Variants in PTPRM observed in about 807,000 individuals in gnomAD.
PTPRM encodes receptor-type tyrosine-protein phosphatase mu.
PTPRM carries 47 observed loss-of-function variants against 186.7 expected under a neutral mutation model. The ratio of observed to expected loss-of-function variants is 0.25; its 90% CI spans 0.20 to 0.32. The LOEUF (loss-of-function observed/expected upper bound fraction) is 0.32. Among genes scored for constraint, PTPRM ranks in the 10% least tolerant of loss-of-function variants. The pLI, the probability that PTPRM is intolerant of heterozygous loss-of-function variation, is 1.00. For missense variants in PTPRM, 1,494 were observed against 1,865.0 expected (o/e 0.80, Z 3.66); for synonymous variants, 668 against 674.9 (o/e 0.99, Z 0.16).
At chr18:7,714,646 A>G (rs1249073249) in intron 1 of PTPRM, among the ~76,000 whole-genome samples, 1 of 152,192 alleles carries the variant, frequency 6.6e-6, no homozygotes, top group Admixed American at 6.5e-5. Flanking sequence ...CAGAAAAGAG[A>G]GAAGAATCAA....
chr18:8,075,103 T>G (rs2089724511), intron 8 of PTPRM, among the ~76,000 whole-genome samples: 1 of 152,168 alleles, frequency 6.6e-6, no homozygotes, highest in Non-Finnish European at 1.5e-5. Flanking sequence ...ACTTCATTCT[T>G]GTGCATGTGG....
chr18:8,088,721 G>A, intron 10 of PTPRM, 28 bp from the exon 11 acceptor site: 1 of 1,510,624 alleles, frequency 6.6e-7, no homozygotes, highest in Non-Finnish European at 9.2e-7. Context: ...GAAATAATGA[G>A]TCTCCCATTC....
chr18:8,011,155 A>G (rs759303285), intron 7 of PTPRM, among the ~76,000 whole-genome samples: 3 of 152,216 alleles, frequency 2.0e-5, no homozygotes, highest in Non-Finnish European at 4.4e-5. Flanking sequence ...TAGGGCCTGA[A>G]GAGCAGCAAA....
intron 14 of PTPRM, among the ~76,000 whole-genome samples, chr18:8,172,969 T>C (rs555537384): frequency 3.3e-5 from 5 of 152,320 alleles, no homozygotes; most frequent in African/African-American, 4.8e-5. Flanking sequence ...CAAACACATA[T>C]GTTTTTCTTG....
chr18:8,337,171 A>G (rs1477063342), intron 22 of PTPRM, among the ~76,000 whole-genome samples: 1 of 152,154 alleles, frequency 6.6e-6, no homozygotes, highest in East Asian at 1.9e-4. Context: ...GTCTTTATGT[A>G]TCTCCAAGGG....
intron 32 of PTPRM, among the ~76,000 whole-genome samples, chr18:8,396,338 G>T (rs2095845299): frequency 6.6e-6 from 1 of 152,206 alleles, no homozygotes; most frequent in African/African-American, 2.4e-5. Context: ...TCGAGACTCT[G>T]GTTGGTACTT....
chr18:7,596,971 A>G (rs1008977064), intron 1 of PTPRM, among the ~76,000 whole-genome samples: 4 of 151,736 alleles, frequency 2.6e-5, no homozygotes, highest in African/African-American at 9.7e-5. Context: ...CTCGTGCTTC[A>G]GCCTCCCCGG....
At position 7,940,274 on chromosome 18, in the gene PTPRM, A is replaced by G. The variant is rs1001894209; in HGVS notation, c.664-8907A>G. On this transcript the variant is annotated intron_variant, in intron 5 of 32. Coordinates refer to ENST00000580170, the MANE Select transcript of PTPRM (RefSeq NM_001105244.2). ...TTTATATGTTAAAGTTAGAGCAATA[A>G]AAACCAGGCAAGGATCCCTGCCTTC... Among the ~76,000 whole-genome samples, 7 of 152,182 alleles carry G rather than the reference A, an allele frequency of 4.6e-5. 1 individual carries two copies. The highest frequency in any genetic ancestry group is 2.6e-4 in the Admixed American group (4 of 15,278).
intron 6 of PTPRM, among the ~76,000 whole-genome samples, chr18:7,952,622 G>A (rs1042639588): frequency 1.3e-5 from 2 of 151,810 alleles, no homozygotes; most frequent in East Asian, 3.9e-4. Context: ...TGTGAACCTG[G>A]GAGACAGAGC....
chr18:8,253,054 G>A (rs1413050267), intron 18 of PTPRM, among the ~76,000 whole-genome samples, 173 bp from the exon 19 acceptor site: 1 of 152,132 alleles, frequency 6.6e-6, no homozygotes, highest in African/African-American at 2.4e-5. Flanking sequence ...TATCAGTATT[G>A]CCAACCCCAT....
chr18:8,030,073 G>T (rs968171820), intron 7 of PTPRM, among the ~76,000 whole-genome samples: 1 of 152,180 alleles, frequency 6.6e-6, no homozygotes, highest in Non-Finnish European at 1.5e-5. Flanking sequence ...TTTAAAAAGC[G>T]CACACAAGTC....
intron 7 of PTPRM, among the ~76,000 whole-genome samples, chr18:7,981,421 G>A (rs2082544991): frequency 6.6e-6 from 1 of 152,114 alleles, no homozygotes; most frequent in African/African-American, 2.4e-5. Context: ...GTCTGCATTA[G>A]TAGTGCCTAA....
intron 2 of PTPRM, among the ~76,000 whole-genome samples, chr18:7,886,652 A>G (rs1393188316): frequency 3.3e-5 from 5 of 152,200 alleles, no homozygotes; most frequent in Admixed American, 6.5e-5. Context: ...CAGAAGCTCA[A>G]AGTTCTGGTT....
intron 1 of PTPRM, among the ~76,000 whole-genome samples, chr18:7,771,050 C>G (rs962746954): frequency 2.5e-4 from 38 of 152,306 alleles, no homozygotes; most frequent in African/African-American, 8.9e-4. Context: ...TATAACCTGG[C>G]ACCAGTGTTG....
chr18:8,238,664 T>TG (rs2094378380), intron 14 of PTPRM, among the ~76,000 whole-genome samples: 1 of 136,720 alleles, frequency 7.3e-6, no homozygotes, highest in Non-Finnish European at 1.6e-5. Flanking sequence ...TTTTTTTTTT[T>TG]TTTTTTTTTT....
chr18:7,980,336 A>T (rs1158116586), intron 7 of PTPRM, among the ~76,000 whole-genome samples: 1 of 150,434 alleles, frequency 6.6e-6, no homozygotes, highest in Non-Finnish European at 1.5e-5. Context: ...ACCCATGTTC[A>T]CTCTGCTGCC....
intron 19 of PTPRM, among the ~76,000 whole-genome samples, chr18:8,284,276 T>A (rs1280214706): frequency 6.6e-6 from 1 of 152,240 alleles, no homozygotes; most frequent in Non-Finnish European, 1.5e-5. Context: ...TCCCAAACCT[T>A]GTAGTTCTAA....
intron 1 of PTPRM, among the ~76,000 whole-genome samples, chr18:7,675,167 A>G (rs1439327824): frequency 6.6e-6 from 1 of 152,252 alleles, no homozygotes; most frequent in African/African-American, 2.4e-5. Context: ...TAAATATTAC[A>G]AAGAAAATGT....
At chr18:7,632,539 A>G (rs111810695) in intron 1 of PTPRM, among the ~76,000 whole-genome samples, 65 of 152,292 alleles carry the variant, frequency 4.3e-4, no homozygotes, top group African/African-American at 1.5e-3. Context: ...CGTTTCCATG[A>G]ACAGAGCTTT....
Sources: allele counts gnomAD v4.1 joint callset (sites outside exome capture counted in the v4.1 genomes callset), GRCh38; gene constraint gnomAD v4.1.1; transcripts MANE v1.5; gene names NCBI Gene and HGNC (gene_info 2026-07-23, HGNC 2026-07-21).